GRAMD1B: variants seen among roughly 807,000 people sequenced by gnomAD.
GRAMD1B encodes the protein protein Aster-B.
A neutral mutation model predicts 99.7 loss-of-function variants in GRAMD1B; 37 were observed. That is an observed-to-expected ratio of 0.37 (90% confidence interval 0.29 to 0.49). The LOEUF is 0.49. GRAMD1B is among the 20% of genes least tolerant of loss of function. The pLI, the probability that GRAMD1B is intolerant of heterozygous loss-of-function variation, is 0.98. For missense variants in GRAMD1B, 888 were observed against 1,009.2 expected (o/e 0.88, Z 1.63); for synonymous variants, 427 against 387.6 (o/e 1.10, Z -1.19).
At chr11:123,609,160 C>T (rs1219420829) in intron 12 of GRAMD1B, among the ~76,000 whole-genome samples, 1 of 152,194 alleles carries the variant, frequency 6.6e-6, no homozygotes, top group Non-Finnish European at 1.5e-5. Flanking sequence ...GTGACGTTAT[C>T]TCATTCAGAC....
chr11:123,457,138 A>AGAGAAAGAAAGAAAGAAAGAAAG (rs1950193820), intron 1 of GRAMD1B, among the ~76,000 whole-genome samples: 1 of 149,880 alleles, frequency 6.7e-6, no homozygotes, highest in Non-Finnish European at 1.5e-5. Flanking sequence ...AGAAAGAAAG[A>AGAGAAAGAAAGAAAGAAAGAAAG]ATTAGAACAG....
intron 2 of GRAMD1B, among the ~76,000 whole-genome samples, chr11:123,550,002 C>T (rs919017856): frequency 1.3e-5 from 2 of 152,186 alleles, no homozygotes; most frequent in African/African-American, 2.4e-5. Context: ...CAGGACCTGG[C>T]AGCCTCTCAA....
At chr11:123,536,776 C>T (rs1337155040) in intron 2 of GRAMD1B, among the ~76,000 whole-genome samples, 1 of 152,120 alleles carries the variant, frequency 6.6e-6, no homozygotes, top group African/African-American at 2.4e-5. Context: ...AGTGAACAGC[C>T]TCCCCAGTCA....
chr11:123,526,112 C>G (rs1039725860), intron 2 of GRAMD1B: 2 of 1,605,108 alleles, frequency 1.2e-6, no homozygotes, highest in Non-Finnish European at 1.7e-6. Context: ...AACGGGGATG[C>G]TAAGGACACG....
Position 123,526,079 on chromosome 11 carries a change from T to A in GRAMD1B, c.452+45186T>A. 2.2e-6 allele frequency: 3 copies of A among 1,341,982 alleles called. No individual in the cohort carries two copies. In the South Asian group the frequency reaches 3.6e-5, roughly 16 times the overall value. 83.1% of individuals were successfully genotyped at this position (1,341,982 alleles called of 1,614,324 possible). A position where few individuals can be genotyped will look rare whatever the true frequency, so the allele number is the denominator to read the frequency against. ...TGGGACTTCGTCATCTTTTCCAATA[T>A]GTCCTGGGACCTCCGGAGCTGTAAC... On this transcript the variant is annotated intron_variant, in intron 2 of 19. Coordinates refer to ENST00000635736, the MANE Select transcript of GRAMD1B (RefSeq NM_001387025.1).
intron 2 of GRAMD1B, among the ~76,000 whole-genome samples, chr11:123,518,735 CT>C (rs1301853828): frequency 6.6e-6 from 1 of 152,144 alleles, no homozygotes; most frequent in Non-Finnish European, 1.5e-5. Context: ...TGCGCAACCA[CT>C]TTAGATTCTA....
At chr11:123,570,258 G>A (rs1592056912) in intron 2 of GRAMD1B, among the ~76,000 whole-genome samples, 2 of 152,126 alleles carry the variant, frequency 1.3e-5, no homozygotes, top group Admixed American at 6.5e-5. Context: ...GGTGGTATCA[G>A]GTTAAGGCTG....
chr11:123,564,812 A>T (rs1020800446), intron 2 of GRAMD1B, among the ~76,000 whole-genome samples: 9 of 152,144 alleles, frequency 5.9e-5, no homozygotes, highest in African/African-American at 1.9e-4. Flanking sequence ...AGTTCTATTC[A>T]GTTGAACTCC....
In GRAMD1B at chr11:123,390,786, C is replaced by T. The variant is rs1947250290; in HGVS notation, c.-176+31987C>T. Among the ~76,000 whole-genome samples, 3 of 152,336 alleles carry T rather than the reference C, an allele frequency of 2.0e-5. No homozygotes were observed. In the South Asian group the frequency reaches 6.2e-4, roughly 32 times the overall value. ...CTGGTATGCCACTTTTCTTTGACCC[C>T]ATCTAGGCCAAACTCATGTTTGCTT... On this transcript the variant is annotated intron_variant, in intron 1 of 20. Coordinates refer to the GRAMD1B transcript ENST00000638157.
intron 3 of GRAMD1B, among the ~76,000 whole-genome samples, chr11:123,578,170 T>G (rs1459936042): frequency 2.0e-5 from 3 of 151,996 alleles, no homozygotes; most frequent in African/African-American, 7.2e-5. Context: ...CTAATTATGG[T>G]TCCCCAGAGA....
At chr11:123,424,706 G>A (rs117219584) in intron 1 of GRAMD1B, among the ~76,000 whole-genome samples, 2,984 of 152,044 alleles carry the variant, frequency 0.02, 61 homozygotes, top group Admixed American at 0.035. Context: ...TCCTCCATAG[G>A]ACCTGCTTAG....
intron 1 of GRAMD1B, among the ~76,000 whole-genome samples, chr11:123,368,203 G>A (rs971958083): frequency 4.8e-5 from 7 of 144,846 alleles, no homozygotes; most frequent in South Asian, 2.2e-4. Flanking sequence ...GCAGTGAGCC[G>A]AGATTGCACC....
intron 1 of GRAMD1B, among the ~76,000 whole-genome samples, chr11:123,409,682 C>T (rs969668136): frequency 6.6e-6 from 1 of 152,210 alleles, no homozygotes; most frequent in African/African-American, 2.4e-5. Flanking sequence ...AACTCTGCGA[C>T]TTCTGCCTGC....
At chr11:123,548,321 T>C (rs370965665) in intron 2 of GRAMD1B, among the ~76,000 whole-genome samples, 29,486 of 105,912 alleles carry the variant, frequency 0.28, 5,084 homozygotes, top group African/African-American at 0.51. Context: ...TATATATATA[T>C]ATATACACAC....
chr11:123,565,059 G>A (rs931503065), intron 2 of GRAMD1B, among the ~76,000 whole-genome samples: 2 of 152,122 alleles, frequency 1.3e-5, no homozygotes. Flanking sequence ...TTTGAGAAAG[G>A]ATCTCACTCT....
intron 2 of GRAMD1B, among the ~76,000 whole-genome samples, chr11:123,513,482 T>A (rs1055984477): frequency 2.0e-5 from 3 of 151,938 alleles, no homozygotes; most frequent in Non-Finnish European, 4.4e-5. Context: ...AGAGTTAGTT[T>A]CCTTCCTTTC....
At chr11:123,480,982 C>CA (rs1021992052) in intron 2 of GRAMD1B, 89 bp downstream of exon 2, 8 of 396,886 alleles carry the variant, frequency 2.0e-5, no homozygotes, top group Middle Eastern at 6.2e-4. Flanking sequence ...CTGCTCTGTG[C>CA]AAAAAAATGT....
At chr11:123,358,519 G>A (rs1741599979) in exon 1 of GRAMD1B, 1 of 152,134 alleles carries the variant, frequency 6.6e-6, no homozygotes, top group Admixed American at 6.5e-5. Context: ...GCCCCGCCTG[G>A]GCGCAGCCGG....
chr11:123,538,929 C>G (rs1304127987), intron 2 of GRAMD1B, among the ~76,000 whole-genome samples: 3 of 151,724 alleles, frequency 2.0e-5, no homozygotes, highest in Non-Finnish European at 2.9e-5. Flanking sequence ...GCGCCCAGTT[C>G]TGGACTTTAA....
Sources: gnomAD v4.1 joint callset for allele counts (sites outside exome capture counted in the v4.1 genomes callset) on GRCh38, gnomAD v4.1.1 for gene constraint, MANE v1.5 for transcripts, NCBI Gene and HGNC (gene_info 2026-07-23, HGNC 2026-07-21) for gene names.